TTN: variants seen among roughly 807,000 people sequenced by gnomAD.
TTN encodes connectin.
Under a neutral mutation model 3,223.0 loss-of-function variants are expected in TTN, and 1,525 were observed. The ratio of observed to expected loss-of-function variants is 0.47; its 90% CI spans 0.45 to 0.49. The LOEUF is 0.49. TTN is among the 20% of genes least tolerant of loss of function. The pLI, the probability that TTN is intolerant of heterozygous loss-of-function variation, is 0.00. For synonymous variants in TTN, 14,094 were observed against 15,161.0 expected (o/e 0.93, Z 5.17); for missense variants, 40,786 against 43,424.0 (o/e 0.94, Z 5.40).
intron 12 of TTN, 147 bp downstream of exon 12, chr2:178,789,831 T>C (rs2093395870): frequency 1.0e-6 from 1 of 959,258 alleles, no homozygotes; most frequent in Non-Finnish European, 1.6e-6. Flanking sequence ...AAATTAATGA[T>C]AATCAGTCTC....
Position 178,564,787 on chromosome 2 carries a change from GTTCTT to G in TTN, c.81340_81344del (p.Lys27114GlnfsTer9), listed in dbSNP as rs886038928. 1 of 1,612,174 alleles carries G rather than the reference GTTCTT, an allele frequency of 6.2e-7. No individual in the cohort carries two copies. Among genetic ancestry groups the G allele is most frequent in the Non-Finnish European group, 8.5e-7 (1 of 1,179,060 alleles). ...TATTTAACTTGACCCATAAAATACTGTTCTTTTCTTTCTGTTCAAGATGGTAGCCA... is the reference window on the plus strand; with the variant it reads ...TATTTAACTTGACCCATAAAATACTGTTCTTTCTGTTCAAGATGGTAGCCA... On this transcript the variant is annotated frameshift_variant, in exon 326 of 363. Coordinates refer to ENST00000589042, the MANE Select transcript of TTN (RefSeq NM_001267550.2). LOFTEE classifies it high-confidence loss of function.
In TTN at chr2:178,727,883, T is replaced by C. The variant is rs749359497; in HGVS notation, c.19715-20A>G. ...GTGGTTCTATAGATTTTAAGAGAGA[T>C]ATATTTAATTAAATTGCTTGCAGTT... On this transcript the variant is annotated intron_variant, in intron 67 of 362. Transcript: ENST00000589042. 1.3e-6 allele frequency: 2 copies of C among 1,526,536 alleles called. No individual in the cohort carries two copies. Among genetic ancestry groups the C allele is most frequent in the Non-Finnish European group, 1.8e-6 (2 of 1,141,354 alleles). 94.6% of individuals were successfully genotyped at this position (1,526,536 alleles called of 1,614,324 possible).
Position 178,584,734 on chromosome 2 carries a change from G to C in TTN, c.64907C>G (p.Ala21636Gly). Reference protein sequence around the residue: ...PGQEYIFRVRAENRFGISEPL... With the variant: ...PGQEYIFRVRGENRFGISEPL... ...CTCTGAAATGCCAAATCGGTTTTCA[G>C]CACGGACCCGGAAGATGTACTCCTG... Residue 21636 changes from alanine to glycine, a missense_variant, in exon 310 of 363, where the codon GCT becomes GGT. Coordinates refer to ENST00000589042, the MANE Select transcript of TTN (RefSeq NM_001267550.2). The C allele has an allele frequency of 6.2e-7, 1 of 1,613,464 alleles. No individual in the cohort carries two copies. The highest frequency in any genetic ancestry group is 8.5e-7 in the Non-Finnish European group (1 of 1,179,562).
Position 178,580,344 on chromosome 2 carries a change from A to G in TTN, c.67035T>C (p.Tyr22345=), listed in dbSNP as rs2154176287. Residue 22345 remains tyrosine (Y), a synonymous_variant, in exon 317 of 363, where the codon TAT becomes TAC. Transcript: ENST00000589042. The part of the protein sequence containing the change: ...TLENSCGKKE[Y]TIVVKVLDTP... The stretch of plus-strand genomic sequence containing the variant: ...TACCAAGCACTTTCACAACAATGGT[A>G]TATTCCTTTTTACCACAGCTGTTCT... 1 of 1,613,094 alleles carries G rather than the reference A, an allele frequency of 6.2e-7. No homozygotes were observed.
intron 1 of TTN, 29 bp from the exon 2 acceptor site, chr2:178,804,684 T>G: frequency 6.2e-7 from 1 of 1,602,174 alleles, no homozygotes; most frequent in Non-Finnish European, 8.5e-7. Flanking sequence ...TAAATTAGGG[T>G]GTCCCAGCTA....
rs1239591907 is a variant in TTN at position 178,621,528 on chromosome 2, T to C, written c.45296A>G (p.Asn15099Ser). The C allele has an allele frequency of 2.5e-6, 4 of 1,612,414 alleles. No homozygotes were observed. The Admixed American group carries it at 6.7e-5, about 27-fold the overall frequency. ...IQNAHLEDAG[N>S]YNCRLPSSRT... ...AGAGCTTGGGAGTCGACAGTTGTAG[T>C]TGCCAGCATCCTCAAGGTGAGCGTT... Residue 15099 changes from asparagine (N) to serine (S), a missense_variant, in exon 245 of 363, where the codon AAC becomes AGC. Coordinates refer to ENST00000589042, the MANE Select transcript of TTN (RefSeq NM_001267550.2).
rs766908479 is a variant in TTN at position 178,795,253 on chromosome 2, C to T, written c.915-1G>A. 2 of 1,613,990 alleles carry T rather than the reference C, an allele frequency of 1.2e-6. No homozygotes were observed. Among genetic ancestry groups the T allele is most frequent in the South Asian group, 2.2e-5 (2 of 91,062 alleles). ...GATTCTTGCTGCTGGAGACACGGAC[C>T]TGAAAACCAAAAGGCAGAGGTCAAG... is the stretch of plus-strand genomic sequence containing the variant. On this transcript the variant is annotated splice_acceptor_variant, in intron 6 of 362. Transcript: ENST00000589042. LOFTEE classifies it high-confidence loss of function.
In TTN at chr2:178,734,975, G is replaced by A. The variant is rs758324605; in HGVS notation, c.14949C>T (p.Phe4983=). ...AATAAGAGGGATCCACCTTCTTCAC[G>A]AAGGATGGTGGCTCTACATGAAGTT... ...ATVTVREPPS[F]VKKVDPSYLM... is the part of the protein sequence containing the mutation. The change falls in exon 51 of 363, where the codon TTC becomes TTT. Residue 4983 remains phenylalanine (F), a synonymous_variant. Coordinates refer to ENST00000589042, the MANE Select transcript of TTN (RefSeq NM_001267550.2). 9.5e-6 allele frequency: 15 copies of A among 1,583,640 alleles called. No individual in the cohort carries two copies. The highest frequency in any genetic ancestry group is 9.1e-5 in the South Asian group (8 of 87,562).
chr2:178,747,484 A>G (rs2084004445), intron 47 of TTN: 3 of 1,613,302 alleles, frequency 1.9e-6, no homozygotes, highest in Non-Finnish European at 2.5e-6. Context: ...TACTTCCCAC[A>G]CCAATGGAAA....
rs775644738 is a variant in TTN, at chr2:178,531,636, C to T, written c.104979G>A (p.Thr34993=). The T allele has an allele frequency of 1.5e-5, 25 of 1,613,850 alleles. No individual in the cohort carries two copies. The Middle Eastern group carries it at 8.2e-4, about 53-fold the overall frequency. Residue 34993 remains threonine (T), a synonymous_variant, in exon 358 of 363, where the codon ACG becomes ACA. Transcript: ENST00000589042. ...QESSKIHYTN[T]SGVLTLEILD... ...GAATTTCCAGGGTGAGGACTCCACT[C>T]GTGTTGGTGTAATGAATCTTACTGC...
At position 178,577,271 on chromosome 2, in the gene TTN, C is replaced by A. The variant is rs769814983; in HGVS notation, c.69064G>T (p.Ala23022Ser). ...RKDAGEYTIT[A>S]TNPFGTKVEH... The stretch of plus-strand genomic sequence containing the variant: ...ACCTTCGTGCCAAAAGGATTGGTAG[C>A]AGTGATGGTATATTCACCCGCATCT... The change falls in exon 324 of 363, where the codon GCT (alanine) becomes TCT (serine). Residue 23022 changes from alanine (A) to serine (S), a missense_variant. Transcript: ENST00000589042. 4 of 1,612,718 alleles carry A rather than the reference C, an allele frequency of 2.5e-6. No individual in the cohort carries two copies. In the Admixed American group the frequency reaches 6.7e-5, roughly 27 times the overall value.
chr2:178,684,230 A>T (rs964125434), intron 132 of TTN, 100 bp downstream of exon 132: 33 of 1,269,210 alleles, frequency 2.6e-5, no homozygotes, highest in African/African-American at 4.5e-5. Context: ...AACAACATCA[A>T]CAACAACAAC....
At chr2:178,670,405 C>G (rs2066776407) in intron 156 of TTN, 110 bp from the exon 157 acceptor site, 1 of 491,242 alleles carries the variant, frequency 2.0e-6, no homozygotes, top group Non-Finnish European at 3.4e-6. Flanking sequence ...ATATAAAATG[C>G]AGACAACACT....
intron 38 of TTN, 145 bp from the exon 39 acceptor site, chr2:178,768,300 G>C (rs2090884968): frequency 2.6e-6 from 3 of 1,152,158 alleles, no homozygotes; most frequent in South Asian, 1.4e-5. Flanking sequence ...CATAATTTTA[G>C]AACATTCTCA....
chr2:178,625,318 G>T lies in TTN; in HGVS notation c.44503C>A (p.Leu14835Ile). 1.2e-6 allele frequency: 2 copies of T among 1,607,444 alleles called. No homozygotes were observed. The highest frequency in any genetic ancestry group is 1.3e-5 in the African/African-American group (1 of 74,464). Reference sequence around the variant, plus strand: ...TGAGTTTTGAAATCTTTTGCTGTTAGTTGGACTTCCCCAGCATCTTCTAAC... The same window carrying T: ...TGAGTTTTGAAATCTTTTGCTGTTATTTGGACTTCCCCAGCATCTTCTAAC... ...VKLEDAGEVQ[L>I]TAKDFKTHAN... The change falls in exon 241 of 363, where the codon CTA becomes ATA. Residue 14835 changes from leucine to isoleucine, a missense_variant. Leu to Ile is a conservative substitution (Grantham distance 5, BLOSUM62 2). Transcript: ENST00000589042.
Position 178,618,571 on chromosome 2 carries a change from C to T in TTN, c.46966+13G>A. ...TGCTTTGCCAATTAAGTCTGAGAGA[C>T]CCAAGGGCTTACCAATAACTTTTAA... On this transcript the variant is annotated intron_variant, in intron 251 of 362. Coordinates refer to ENST00000589042, the MANE Select transcript of TTN (RefSeq NM_001267550.2). 1.2e-6 allele frequency: 2 copies of T among 1,610,554 alleles called. No homozygotes were observed. The highest frequency in any genetic ancestry group is 2.2e-5 in the South Asian group (2 of 90,280).
chr2:178,773,171 T>A lies in TTN; in HGVS notation c.7793A>T (p.Asp2598Val). ...CGCGTAAAATGTGTATTTTCCTTCA[T>A]CATCTTTCATCATATTTAGAACTGT... Reference protein sequence around the residue: ...KLTVLNMMKDDEGKYTFYAGE... With the variant: ...KLTVLNMMKDVEGKYTFYAGE... The change falls in exon 33 of 363, where the codon GAT (aspartate) becomes GTT (valine). Residue 2598 changes from aspartate (D) to valine (V), a missense_variant. Physicochemically the swap from Asp to Val is radical, Grantham distance 152 (BLOSUM62 -3). Coordinates refer to ENST00000589042, the MANE Select transcript of TTN (RefSeq NM_001267550.2). 7 of 1,613,812 alleles carry A rather than the reference T, an allele frequency of 4.3e-6. No individual in the cohort carries two copies. Among genetic ancestry groups the A allele is most frequent in the Non-Finnish European group, 5.9e-6 (7 of 1,179,890 alleles).
chr2:178,688,608 T>C (rs2071486207), intron 126 of TTN, 69 bp downstream of exon 126: 5 of 1,050,984 alleles, frequency 4.8e-6, no homozygotes, highest in South Asian at 2.5e-5. Context: ...AACAATCACA[T>C]GTGGAAGAAG....
chr2:178,555,177 A>G (rs1337761313), intron 330 of TTN, 25 bp from the exon 331 acceptor site: 1 of 1,586,630 alleles, frequency 6.3e-7, no homozygotes, highest in Non-Finnish European at 8.5e-7. Flanking sequence ...GATGAGAAAT[A>G]TTTAAAATAT....
Sources: gnomAD v4.1 joint callset for allele counts on GRCh38, gnomAD v4.1.1 for gene constraint, MANE v1.5 for transcripts, NCBI Gene and HGNC (gene_info 2026-07-23, HGNC 2026-07-21) for gene names.